GPLD1: variants seen among roughly 807,000 people sequenced by gnomAD.
GPLD1 encodes phosphatidylinositol-glycan-specific phospholipase D.
GPLD1 carries 84 observed loss-of-function variants against 112.6 expected under a neutral mutation model. That is an observed-to-expected ratio of 0.75 (90% CI 0.63 to 0.89). GPLD1 has a LOEUF of 0.89. Ranked by LOEUF, GPLD1 falls within the 40% of genes least tolerant of loss-of-function variation. GPLD1 has a pLI of 0.00. For synonymous variants in GPLD1, 386 were observed against 403.8 expected (o/e 0.96, Z 0.53); for missense variants, 1,044 against 1,051.5 (o/e 0.99, Z 0.10).
intron 20 of GPLD1, among the ~76,000 whole-genome samples, chr6:24,440,858 T>C (rs1422850136): frequency 4.6e-5 from 7 of 152,152 alleles, no homozygotes; most frequent in African/African-American, 1.7e-4. Flanking sequence ...TTGTGGATTA[T>C]AAAATTTTAA....
chr6:24,489,977 G>A (rs947054359), upstream of GPLD1, among the ~76,000 whole-genome samples: 1 of 152,166 alleles, frequency 6.6e-6, no homozygotes, highest in African/African-American at 2.4e-5. Context: ...CATTTATCAG[G>A]CTGTCCTGCT....
At chr6:24,484,102 A>G (rs956353845) in intron 2 of GPLD1, among the ~76,000 whole-genome samples, 52 of 151,494 alleles carry the variant, frequency 3.4e-4, no homozygotes, top group African/African-American at 1.2e-3. Flanking sequence ...TTTTTAGTAG[A>G]GACGGGGTTT....
chr6:24,472,508 T>C (rs751567635), intron 7 of GPLD1, 74 bp downstream of exon 7: 40 of 835,422 alleles, frequency 4.8e-5, no homozygotes, highest in Non-Finnish European at 7.4e-5. Context: ...TTGTCAGTTA[T>C]ATTTTCTAAG....
At chr6:24,464,182 G>A (rs575189727) in intron 10 of GPLD1, among the ~76,000 whole-genome samples, 1 of 152,240 alleles carries the variant, frequency 6.6e-6, no homozygotes, top group South Asian at 2.1e-4. Context: ...TACTTAGTAA[G>A]TGCTTACTCT....
chr6:24,470,493 T>C (rs920035818), intron 7 of GPLD1, among the ~76,000 whole-genome samples: 1 of 152,228 alleles, frequency 6.6e-6, no homozygotes, highest in Non-Finnish European at 1.5e-5. Flanking sequence ...AACTAATTTC[T>C]CTCTTAATAA....
intron 1 of GPLD1, chr6:24,494,832 G>T: frequency 1.3e-6 from 1 of 775,362 alleles, no homozygotes. Flanking sequence ...CGAGAAAGAC[G>T]CGGAGAGAGG....
upstream of GPLD1, among the ~76,000 whole-genome samples, chr6:24,493,828 G>A (rs1764618953): frequency 6.6e-6 from 1 of 152,206 alleles, no homozygotes; most frequent in Non-Finnish European, 1.5e-5. Context: ...CCTAGAAAAA[G>A]GTGAAAGCTA....
chr6:24,494,954 C>G, intron 1 of GPLD1: 1 of 1,286,540 alleles, frequency 7.8e-7, no homozygotes, highest in Non-Finnish European at 9.8e-7. Context: ...CCCGTGCGCG[C>G]GCGCCCGCTT....
chr6:24,457,736 G>A (rs1763312875), intron 12 of GPLD1, among the ~76,000 whole-genome samples: 1 of 151,952 alleles, frequency 6.6e-6, no homozygotes, highest in African/African-American at 2.4e-5. Context: ...AGCTGGGAGT[G>A]GTGGCGGGCA....
At chr6:24,492,225 C>G (rs1195070427), upstream of GPLD1, among the ~76,000 whole-genome samples, 1 of 152,006 alleles carries the variant, frequency 6.6e-6, no homozygotes, top group Non-Finnish European at 1.5e-5. Flanking sequence ...GGAGAAGAGG[C>G]TGGGCACAGT....
chr6:24,443,225 CGAG>C (rs1226453992), intron 20 of GPLD1, among the ~76,000 whole-genome samples: 11 of 152,072 alleles, frequency 7.2e-5, no homozygotes, highest in African/African-American at 2.4e-4. Context: ...GAAGGGGAAC[CGAG>C]GAAGAAGAGA....
At chr6:24,459,504 G>C (rs981495357) in intron 12 of GPLD1, among the ~76,000 whole-genome samples, 18 of 152,164 alleles carry the variant, frequency 1.2e-4, no homozygotes, top group Admixed American at 1.2e-3. Flanking sequence ...CAATCCACCT[G>C]CCTCAGCCAC....
At chr6:24,430,546 C>G (rs1375470480) in intron 24 of GPLD1, among the ~76,000 whole-genome samples, 3 of 152,212 alleles carry the variant, frequency 2.0e-5, no homozygotes, top group African/African-American at 7.2e-5. Flanking sequence ...GGCTCCTGAG[C>G]TGATGGAAGG....
intron 22 of GPLD1, chr6:24,435,836 A>AAAAAAAAATAAAAATAAAAAAAAT (rs1762559811): frequency 6.8e-6 from 1 of 146,528 alleles, no homozygotes; most frequent in Non-Finnish European, 1.5e-5. Flanking sequence ...AAAAAAAAAA[A>AAAAAAAAATAAAAATAAAAAAAAT]AAAAAAAAAA....
chr6:24,446,940 C>A lies in GPLD1; in HGVS notation c.1718G>T (p.Gly573Val), dbSNP rs1561835852. 6.2e-7 allele frequency: 1 copy of A among 1,613,812 alleles called. No individual in the cohort carries two copies. Among genetic ancestry groups the A allele is most frequent in the East Asian group, 2.2e-5 (1 of 44,846 alleles). Residue 573 changes from glycine (G) to valine (V), a missense_variant, in exon 18 of 25, where the codon GGC (glycine) becomes GTC (valine). Gly to Val is a moderately radical substitution (Grantham distance 109, BLOSUM62 -3). Coordinates refer to ENST00000230036, the MANE Select transcript of GPLD1 (RefSeq NM_001503.4). ...TCCAAACCAGGAGAAGTCTTCCTCG[C>A]CTCTCACCGTCCAGTTGGCTGCCTC... ...NVEAANWTVR[G>V]EEDFSWFGYS...
At chr6:24,449,594 A>G (rs1763015556) in intron 15 of GPLD1, among the ~76,000 whole-genome samples, 195 bp downstream of exon 15, 1 of 152,216 alleles carries the variant, frequency 6.6e-6, no homozygotes, top group Non-Finnish European at 1.5e-5. Flanking sequence ...CCAGGGAGGC[A>G]GCAGCAGGTG....
In GPLD1 at chr6:24,454,099, G is replaced by A. The variant is rs747895592; in HGVS notation, c.1251C>T (p.Tyr417=). ...GGCCCAGGTCATTGCCGTAGATGAG[G>A]TACACGCGCCCGATGTGGATGTGGC... ...RPGHIHIGRV[Y]LIYGNDLGLP... Residue 417 remains tyrosine, a synonymous_variant, in exon 14 of 25, where the codon TAC becomes TAT. Transcript: ENST00000230036. 1 of 1,613,948 alleles carries A rather than the reference G, an allele frequency of 6.2e-7. No homozygotes were observed. Among genetic ancestry groups the A allele is most frequent in the Admixed American group, 1.7e-5 (1 of 60,018 alleles).
At chr6:24,474,454 TAGA>T (rs1763941990) in intron 5 of GPLD1, among the ~76,000 whole-genome samples, 1 of 152,190 alleles carries the variant, frequency 6.6e-6, no homozygotes, top group Non-Finnish European at 1.5e-5. Flanking sequence ...TCCAATAAAG[TAGA>T]AGTATTACTT....
chr6:24,443,494 GA>G (rs1762813868), intron 20 of GPLD1, among the ~76,000 whole-genome samples: 1 of 152,128 alleles, frequency 6.6e-6, no homozygotes, highest in Non-Finnish European at 1.5e-5. Flanking sequence ...GCATTTATGA[GA>G]AACAGTTTTG....
Sources: gnomAD v4.1 joint callset for allele counts (sites outside exome capture counted in the v4.1 genomes callset) on GRCh38, gnomAD v4.1.1 for gene constraint, MANE v1.5 for transcripts, NCBI Gene and HGNC (gene_info 2026-07-23, HGNC 2026-07-21) for gene names.